Variants in PRKCI observed in about 807,000 individuals in gnomAD.
The protein encoded by PRKCI is protein kinase C iota, also known as protein kinase C iota type.
PRKCI carries 43 observed loss-of-function variants against 84.0 expected under a neutral mutation model. The observed-to-expected ratio is 0.51, with a 90% confidence interval of 0.40 to 0.66. PRKCI has a LOEUF of 0.66. PRKCI is among the 30% of genes least tolerant of loss of function. The pLI is 0.00. For synonymous variants in PRKCI, 216 were observed against 234.4 expected, an observed-to-expected ratio of 0.92 and a Z score of 0.72; for missense variants, 459 against 745.6, an observed-to-expected ratio of 0.62 and a Z score of 4.48.
intron 8 of PRKCI, among the ~76,000 whole-genome samples, chr3:170,277,473 A>G (rs1020742930): frequency 3.3e-5 from 5 of 152,162 alleles, no homozygotes; most frequent in Non-Finnish European, 5.9e-5. Context: ...TTGAGAGGCT[A>G]AGGCGGAAGG....
intron 12 of PRKCI, among the ~76,000 whole-genome samples, chr3:170,290,157 T>G (rs1734509708): frequency 6.6e-6 from 1 of 151,948 alleles, no homozygotes; most frequent in Non-Finnish European, 1.5e-5. Flanking sequence ...TATAGGAAAG[T>G]GGTTAAGTTC....
chr3:170,263,564 A>C, intron 4 of PRKCI, 135 bp downstream of exon 4: 1 of 649,034 alleles, frequency 1.5e-6, no homozygotes, highest in Middle Eastern at 4.3e-4. Flanking sequence ...CACTGTGGGA[A>C]GCTGAGGTGG....
intron 6 of PRKCI, among the ~76,000 whole-genome samples, chr3:170,272,903 A>G (rs1734034305): frequency 6.6e-6 from 1 of 152,204 alleles, no homozygotes; most frequent in African/African-American, 2.4e-5. Flanking sequence ...AAGAGGTTAT[A>G]GACATCCTGA....
intron 2 of PRKCI, among the ~76,000 whole-genome samples, chr3:170,259,144 C>CA (rs930021348): frequency 4.5e-4 from 66 of 148,302 alleles, no homozygotes; most frequent in African/African-American, 1.3e-3. Context: ...AACTCCATCT[C>CA]AAAAAAAAAG....
chr3:170,222,469 G>T lies in PRKCI; in HGVS notation c.-201G>T. 2.2e-6 allele frequency: 1 copy of T among 462,310 alleles called. No individual in the cohort carries two copies. Among genetic ancestry groups the T allele is most frequent in the Non-Finnish European group, 3.7e-6 (1 of 267,550 alleles). The allele number at this position is 462,310 out of a possible 1,614,324, so 28.6% of individuals were successfully genotyped here. A position where few individuals can be genotyped will look rare whatever the true frequency, so the allele number is the denominator to read the frequency against. ...CCCGGGCGGCTGTAGAGGCGGCGGCGCCTACGGGCAGTGGGAGGAGCCGCG... is the reference window on the plus strand; with the variant it reads ...CCCGGGCGGCTGTAGAGGCGGCGGCTCCTACGGGCAGTGGGAGGAGCCGCG... On this transcript the variant is annotated 5_prime_UTR_variant, in exon 1 of 18. Coordinates refer to ENST00000295797, the MANE Select transcript of PRKCI (RefSeq NM_002740.6).
chr3:170,260,660 C>T (rs1013194889), intron 3 of PRKCI, among the ~76,000 whole-genome samples: 1 of 152,104 alleles, frequency 6.6e-6, no homozygotes, highest in Non-Finnish European at 1.5e-5. Context: ...ACCATGTTGG[C>T]CAGGCTGGTC....
At chr3:170,250,265 T>G (rs1274581071) in intron 2 of PRKCI, among the ~76,000 whole-genome samples, 1 of 144,244 alleles carries the variant, frequency 6.9e-6, no homozygotes, top group Non-Finnish European at 1.5e-5. Flanking sequence ...AGAGTGAGAC[T>G]TGGTCTGAAA....
chr3:170,293,668 T>G (rs1407383650), intron 14 of PRKCI, among the ~76,000 whole-genome samples, 160 bp downstream of exon 14: 1 of 152,210 alleles, frequency 6.6e-6, no homozygotes, highest in Non-Finnish European at 1.5e-5. Flanking sequence ...TTTGTTTGTT[T>G]TTGAGACAAG....
intron 1 of PRKCI, among the ~76,000 whole-genome samples, chr3:170,226,394 G>A (rs909393738): frequency 3.3e-4 from 50 of 152,128 alleles, no homozygotes; most frequent in African/African-American, 1.1e-3. Flanking sequence ...AGAGAAACAG[G>A]TTTCATTAAT....
chr3:170,260,596 G>A (rs1361619123), intron 3 of PRKCI, among the ~76,000 whole-genome samples: 1 of 152,056 alleles, frequency 6.6e-6, no homozygotes, highest in African/African-American at 2.4e-5. Flanking sequence ...GGGATTACAG[G>A]TGTGCACCAC....
chr3:170,266,372 G>A (rs1269605718), intron 4 of PRKCI, among the ~76,000 whole-genome samples: 3 of 152,152 alleles, frequency 2.0e-5, no homozygotes, highest in Admixed American at 1.3e-4. Context: ...TTGAACATCA[G>A]TAGTGGGAGT....
intron 15 of PRKCI, among the ~76,000 whole-genome samples, chr3:170,296,242 A>G: frequency 6.6e-6 from 1 of 152,210 alleles, no homozygotes. Flanking sequence ...TGTATGTGTA[A>G]ATAATATATA....
chr3:170,269,705 C>T (rs746612763), intron 5 of PRKCI, among the ~76,000 whole-genome samples: 3 of 151,922 alleles, frequency 2.0e-5, no homozygotes, highest in Non-Finnish European at 4.4e-5. Flanking sequence ...ACGTGTAATC[C>T]CAGCACTTTG....
At chr3:170,239,234 G>A (rs1306581824) in intron 2 of PRKCI, among the ~76,000 whole-genome samples, 1 of 152,122 alleles carries the variant, frequency 6.6e-6, no homozygotes, top group Non-Finnish European at 1.5e-5. Context: ...TGCATTAAGA[G>A]GAAAGTTGAG....
intron 17 of PRKCI, 107 bp from the exon 18 acceptor site, chr3:170,302,933 C>A: frequency 3.0e-6 from 2 of 665,076 alleles, no homozygotes; most frequent in South Asian, 3.0e-5. Flanking sequence ...TATAGATTTC[C>A]TTTCAGTACA....
chr3:170,258,945 T>C (rs945966048), intron 2 of PRKCI, among the ~76,000 whole-genome samples: 3 of 152,164 alleles, frequency 2.0e-5, no homozygotes, highest in Non-Finnish European at 2.9e-5. Context: ...AAGCCTCCTC[T>C]TTAGACTTTC....
At chr3:170,248,483 C>A (rs1270874069) in intron 2 of PRKCI, among the ~76,000 whole-genome samples, 1 of 152,122 alleles carries the variant, frequency 6.6e-6, no homozygotes, top group Non-Finnish European at 1.5e-5. Context: ...TGAATTTAGA[C>A]TTTTGTAATA....
intron 1 of PRKCI, among the ~76,000 whole-genome samples, 153 bp downstream of exon 1, chr3:170,222,923 AG>A (rs1190878798): frequency 1.4e-5 from 2 of 138,596 alleles, no homozygotes; most frequent in Admixed American, 1.4e-4. Context: ...ACGAAGTGAT[AG>A]GGGTGGGGGC....
chr3:170,290,682 A>G (rs1212226204), intron 12 of PRKCI, among the ~76,000 whole-genome samples: 1 of 152,098 alleles, frequency 6.6e-6, no homozygotes, highest in Non-Finnish European at 1.5e-5. Flanking sequence ...TTCTCCTAAT[A>G]ATTTTGTCCT....
Sources: allele counts gnomAD v4.1 joint callset (sites outside exome capture counted in the v4.1 genomes callset), GRCh38; gene constraint gnomAD v4.1.1; transcripts MANE v1.5; gene names NCBI Gene and HGNC (gene_info 2026-07-23, HGNC 2026-07-21).